Variants in RPL7A observed in about 807,000 individuals in gnomAD.
RPL7A encodes large ribosomal subunit protein eL8.
For synonymous variants in RPL7A, 158 were observed against 128.2 expected, an observed-to-expected ratio of 1.23 and a Z score of -1.57; for missense variants, 291 against 338.2, an observed-to-expected ratio of 0.86 and a Z score of 1.09.
intron 1 of RPL7A, 66 bp downstream of exon 1, chr9:133,348,312 C>G (rs2129977926): frequency 6.2e-7 from 1 of 1,610,988 alleles, no homozygotes; most frequent in East Asian, 2.2e-5. Context: ...CATCCTCCTC[C>G]AGGCGCGGCC....
intron 2 of RPL7A, 129 bp downstream of exon 2, chr9:133,349,171 G>A: frequency 8.9e-7 from 1 of 1,121,930 alleles, no homozygotes; most frequent in Non-Finnish European, 1.3e-6. Context: ...GTGTCTCTTA[G>A]AGACGGGGGC....
Position 133,351,405 on chromosome 9 carries a change from AAAT to A in RPL7A, c.*44_*46del. On this transcript the variant is annotated 3_prime_UTR_variant, in exon 8 of 8. Transcript: ENST00000323345. ...AGTTTTCTGTACATAAAAATAATTG[AAAT>A]AATACAAATTTTCCTTCAGCCAGTG... 5.6e-6 allele frequency: 8 copies of A among 1,416,988 alleles called. No individual in the cohort carries two copies. The highest frequency in any genetic ancestry group is 2.8e-5 in the African/African-American group (2 of 71,162). The allele number at this position is 1,416,988 out of a possible 1,614,324, so 87.8% of individuals were successfully genotyped here. A position where few individuals can be genotyped will look rare whatever the true frequency, so the allele number is the denominator to read the frequency against.
rs2129982176 is a variant in RPL7A at position 133,348,924 on chromosome 9, G to A, written c.6G>A (p.Pro2=). 15 of 1,613,766 alleles carry A rather than the reference G, an allele frequency of 9.3e-6. No homozygotes were observed. Among genetic ancestry groups the A allele is most frequent in the African/African-American group, 4.0e-5 (3 of 74,908 alleles). The part of the protein sequence containing the change: M[P]KGKKAKGKKV... ...ACTGACGTTTTCTTTCTGCCCAGCC[G>A]AAAGGAAAGAAGGCCAAGGGAAAGA... is the stretch of plus-strand genomic sequence containing the variant. The change falls in exon 2 of 8, where the codon CCG becomes CCA. Residue 2 remains proline (P), a splice_region_variant and synonymous_variant. Coordinates refer to ENST00000323345, the MANE Select transcript of RPL7A (RefSeq NM_000972.3).
chr9:133,348,919 C>T lies in RPL7A; in HGVS notation c.4-3C>T, dbSNP rs2129982097. ...GTTTAACTGACGTTTTCTTTCTGCCCAGCCGAAAGGAAAGAAGGCCAAGGG... is the reference window on the plus strand; with the variant it reads ...GTTTAACTGACGTTTTCTTTCTGCCTAGCCGAAAGGAAAGAAGGCCAAGGG... On this transcript the variant is annotated splice_polypyrimidine_tract_variant and splice_region_variant and intron_variant, in intron 1 of 7. Transcript: ENST00000323345. The T allele has an allele frequency of 1.4e-5, 22 of 1,613,670 alleles. No homozygotes were observed. In the East Asian group the frequency reaches 2.9e-4, roughly 21 times the overall value.
At chr9:133,349,162 T>G (rs1018410883) in intron 2 of RPL7A, 120 bp downstream of exon 2, 2 of 1,225,108 alleles carry the variant, frequency 1.6e-6, no homozygotes, top group Non-Finnish European at 2.3e-6. Context: ...CCTTAATTTG[T>G]GTCTCTTAGA....
intron 4 of RPL7A, 89 bp downstream of exon 4, chr9:133,350,141 A>T: frequency 6.2e-7 from 1 of 1,613,398 alleles, no homozygotes; most frequent in Non-Finnish European, 8.5e-7. Context: ...GTGAAGAGTA[A>T]AACCGAGCTT....
rs1278411295 is a variant in RPL7A, at chr9:133,351,146, G to A, written c.696+75G>A. ...CAAATAACTGGCTGGCTTAACCTAT[G>A]AGAAGTTCTATCTGACGATCAGCTT... is the stretch of plus-strand genomic sequence containing the variant. On this transcript the variant is annotated intron_variant, in intron 7 of 7. Transcript: ENST00000323345. The A allele has an allele frequency of 5.1e-6, 8 of 1,560,602 alleles. No individual in the cohort carries two copies. In the African/African-American group the frequency reaches 6.8e-5, roughly 13 times the overall value.
intron 1 of RPL7A, chr9:133,348,518 C>T (rs2129979053): frequency 1.7e-6 from 1 of 603,918 alleles, no homozygotes; most frequent in Non-Finnish European, 2.9e-6. Context: ...CACCGCAGTG[C>T]GGGGCTCGGA....
At chr9:133,348,315 G>A (rs1440580103) in intron 1 of RPL7A, 69 bp downstream of exon 1, 2 of 1,610,502 alleles carry the variant, frequency 1.2e-6, no homozygotes, top group Non-Finnish European at 1.7e-6. Context: ...CCTCCTCCAG[G>A]CGCGGCCTCG....
chr9:133,349,267 A>C, intron 2 of RPL7A: 1 of 740,474 alleles, frequency 1.4e-6, no homozygotes. Context: ...CAGCTTAGCC[A>C]TCTGGAAACA....
intron 2 of RPL7A, chr9:133,349,265 C>T (rs2129984518): frequency 6.7e-6 from 5 of 742,178 alleles, no homozygotes; most frequent in East Asian, 5.2e-5. Flanking sequence ...TTCAGCTTAG[C>T]CATCTGGAAA....
At chr9:133,350,773 C>T in intron 6 of RPL7A, 46 bp downstream of exon 6, 1 of 1,607,106 alleles carries the variant, frequency 6.2e-7, no homozygotes, top group South Asian at 1.1e-5. Context: ...TTCATTTAAT[C>T]CATGCCTCAC....
rs1360348194 is a variant in RPL7A, at chr9:133,351,364, TA to T, written c.*1del. On this transcript the variant is annotated frameshift_variant and stop_lost, in exon 8 of 8. Coordinates refer to ENST00000323345, the MANE Select transcript of RPL7A (RefSeq NM_000972.3). LOFTEE classifies it high-confidence loss of function. ...TAAAGAACTTGCCACTAAACTGGGT[TA>T]AATGTACACTGTTGAGTTTTCTGTA... ...KAKELATKLG[*>X] 3.1e-6 allele frequency: 5 copies of T among 1,590,804 alleles called. No individual in the cohort carries two copies. Among genetic ancestry groups the T allele is most frequent in the Non-Finnish European group, 4.3e-6 (5 of 1,161,136 alleles).
chr9:133,350,442 C>A (rs2129993579), intron 5 of RPL7A, 123 bp downstream of exon 5: 96 of 1,488,652 alleles, frequency 6.4e-5, no homozygotes, highest in Non-Finnish European at 8.2e-5. Context: ...ACAGATCCAA[C>A]ACATGCGTGG....
At position 133,349,353 on chromosome 9, in the gene RPL7A, A is replaced by T. The variant is rs2129985065; in HGVS notation, c.125-198A>T. ...CTTCGTGGCACCTTGGCTTCTTGTT[A>T]GATGAGGAAAAGCATCGTGCTCTTT... On this transcript the variant is annotated intron_variant, in intron 2 of 7. Coordinates refer to ENST00000323345, the MANE Select transcript of RPL7A (RefSeq NM_000972.3). 35 of 871,734 alleles carry T rather than the reference A, an allele frequency of 4.0e-5. No homozygotes were observed. In the East Asian group the frequency reaches 8.4e-4, roughly 21 times the overall value. 54.0% of individuals were successfully genotyped at this position (871,734 alleles called of 1,614,324 possible). A position where few individuals can be genotyped will look rare whatever the true frequency, so the allele number is the denominator to read the frequency against.
chr9:133,349,723 G>A, intron 3 of RPL7A, 23 bp downstream of exon 3: 6 of 1,611,876 alleles, frequency 3.7e-6, no homozygotes, highest in African/African-American at 1.3e-5. Flanking sequence ...GGCGTGGAAA[G>A]GAGTTTCTCA....
chr9:133,348,417 C>A (rs1423663016), intron 1 of RPL7A, 171 bp downstream of exon 1: 1 of 946,126 alleles, frequency 1.1e-6, no homozygotes, highest in East Asian at 2.5e-5. Flanking sequence ...TGGTGTGGCA[C>A]GGAGACATTG....
intron 2 of RPL7A, among the ~76,000 whole-genome samples, 180 bp downstream of exon 2, chr9:133,349,222 G>C (rs138377720): frequency 6.6e-6 from 1 of 152,178 alleles, no homozygotes; most frequent in Non-Finnish European, 1.5e-5. Flanking sequence ...GTTGCTGAGC[G>C]AGCATTCAGC....
intron 6 of RPL7A, 55 bp downstream of exon 6, chr9:133,350,782 ACAGTTGTTTCCTTTTGC>A (rs1836376491): frequency 2.5e-6 from 4 of 1,605,614 alleles, no homozygotes; most frequent in Non-Finnish European, 3.4e-6. Flanking sequence ...TCCATGCCTC[ACAGTTGTTTCCTTTTGC>A]CTTAAAGGCC....
Sources: gnomAD v4.1 joint callset for allele counts (sites outside exome capture counted in the v4.1 genomes callset) on GRCh38, gnomAD v4.1.1 for gene constraint, MANE v1.5 for transcripts, NCBI Gene and HGNC (gene_info 2026-07-23, HGNC 2026-07-21) for gene names.